SLC6A6: variants seen among roughly 807,000 people sequenced by gnomAD.
SLC6A6 encodes the protein solute carrier family 6 member 6, also known as sodium- and chloride-dependent taurine transporter.
In SLC6A6, 16 loss-of-function variants were observed where a neutral mutation model predicts 68.8. The ratio of observed to expected loss-of-function variants is 0.23; its 90% confidence interval spans 0.16 to 0.35. SLC6A6 has a LOEUF of 0.35. Among genes scored for constraint, SLC6A6 ranks in the 10% least tolerant of loss-of-function variants. The probability of loss-of-function intolerance (pLI) is 1.00; values close to 1 mark genes in which losing one functional copy is unlikely to be tolerated. For synonymous variants in SLC6A6, 312 were observed against 315.4 expected, an observed-to-expected ratio of 0.99 and a Z score of 0.12; for missense variants, 474 against 802.8, an observed-to-expected ratio of 0.59 and a Z score of 4.95.
At chr3:14,462,334 GA>G (rs1700513799) in intron 6 of SLC6A6, among the ~76,000 whole-genome samples, 1 of 152,218 alleles carries the variant, frequency 6.6e-6, no homozygotes, top group Non-Finnish European at 1.5e-5. Context: ...ATGTGCTCAG[GA>G]AAGAGACTGA....
At chr3:14,476,467 T>C (rs1202943779) in intron 10 of SLC6A6, among the ~76,000 whole-genome samples, 1 of 152,186 alleles carries the variant, frequency 6.6e-6, no homozygotes, top group Non-Finnish European at 1.5e-5. Flanking sequence ...CCAACCAGCT[T>C]CTTTTCCTTT....
chr3:14,441,682 C>T (rs1699991761), intron 2 of SLC6A6, among the ~76,000 whole-genome samples: 1 of 152,218 alleles, frequency 6.6e-6, no homozygotes, highest in African/African-American at 2.4e-5. Context: ...TGGGGCCAAG[C>T]CAGCACATCC....
chr3:14,478,422 A>C lies in SLC6A6; in HGVS notation c.1348-44A>C, dbSNP rs753271320. On this transcript the variant is annotated intron_variant, in intron 11 of 14. Transcript: ENST00000622186. ...GCTCTTTGTATATGAAAGAAATTGG[A>C]GACCAGGTAGGAAATCGACCTTCTG... 5.0e-6 allele frequency: 6 copies of C among 1,189,148 alleles called. No homozygotes were observed. The African/African-American group carries it at 9.1e-5, about 18-fold the overall frequency. 73.7% of individuals were successfully genotyped at this position (1,189,148 alleles called of 1,614,324 possible).
chr3:14,445,298 G>A (rs1451686858), intron 3 of SLC6A6, among the ~76,000 whole-genome samples: 1 of 152,082 alleles, frequency 6.6e-6, no homozygotes, highest in African/African-American at 2.4e-5. Context: ...GCGGGCGCCT[G>A]TAGTCCCAGC....
chr3:14,447,017 T>C (rs769797061), intron 4 of SLC6A6, among the ~76,000 whole-genome samples: 1 of 152,238 alleles, frequency 6.6e-6, no homozygotes, highest in South Asian at 2.1e-4. Flanking sequence ...CATCTATTCA[T>C]CCTTCCATTC....
intron 14 of SLC6A6, among the ~76,000 whole-genome samples, chr3:14,483,891 C>T (rs1358320440): frequency 3.9e-5 from 6 of 151,998 alleles, no homozygotes; most frequent in Non-Finnish European, 8.8e-5. Flanking sequence ...CACTGTGTTG[C>T]CCAGACTGCC....
intron 1 of SLC6A6, among the ~76,000 whole-genome samples, chr3:14,412,239 G>A (rs1486436429): frequency 1.3e-5 from 2 of 152,200 alleles, no homozygotes; most frequent in African/African-American, 4.8e-5. Context: ...GAGGTGTCCC[G>A]ATTTGGGGAC....
chr3:14,413,655 AT>A (rs1699301470), intron 1 of SLC6A6, among the ~76,000 whole-genome samples: 1 of 150,884 alleles, frequency 6.6e-6, no homozygotes, highest in African/African-American at 2.4e-5. Context: ...TCTGCTTTGT[AT>A]TTAACTTTGG....
chr3:14,416,424 A>G lies in SLC6A6; in HGVS notation c.-41A>G. 2.5e-6 allele frequency: 1 copy of G among 398,746 alleles called. No individual in the cohort carries two copies. The highest frequency in any genetic ancestry group is 4.4e-6 in the Non-Finnish European group (1 of 226,150). The allele number at this position is 398,746 out of a possible 1,614,324, so 24.7% of individuals were successfully genotyped here. ...CTCTTTGCAATAGATCCAGAACCAGAACCACAGCCCTTCTGAGGAGCTCCC... is the reference window on the plus strand; with the variant it reads ...CTCTTTGCAATAGATCCAGAACCAGGACCACAGCCCTTCTGAGGAGCTCCC... On this transcript the variant is annotated 5_prime_UTR_variant, in exon 2 of 15. Transcript: ENST00000622186.
intron 2 of SLC6A6, among the ~76,000 whole-genome samples, chr3:14,430,986 A>AT (rs1294418400): frequency 6.6e-6 from 1 of 152,126 alleles, no homozygotes; most frequent in Non-Finnish European, 1.5e-5. Context: ...TGAGTCTTTG[A>AT]TTTTGTGTGG....
At chr3:14,416,045 G>C (rs1699356278) in intron 1 of SLC6A6, among the ~76,000 whole-genome samples, 1 of 152,182 alleles carries the variant, frequency 6.6e-6, no homozygotes, top group African/African-American at 2.4e-5. Flanking sequence ...TGCTGACTAA[G>C]TTTTGGGGAC....
intron 2 of SLC6A6, among the ~76,000 whole-genome samples, chr3:14,438,430 C>G (rs1027796792): frequency 1.3e-5 from 2 of 152,064 alleles, no homozygotes; most frequent in Non-Finnish European, 2.9e-5. Context: ...CTGGAATGGG[C>G]AGAAAAGTGA....
At chr3:14,403,105 TG>T in intron 1 of SLC6A6, among the ~76,000 whole-genome samples, 1 of 145,872 alleles carries the variant, frequency 6.9e-6, no homozygotes, top group South Asian at 2.1e-4. Flanking sequence ...TGTGTGTGTG[TG>T]TGTGTGTGTG....
At chr3:14,407,822 T>C (rs1699144302) in intron 1 of SLC6A6, among the ~76,000 whole-genome samples, 1 of 152,208 alleles carries the variant, frequency 6.6e-6, no homozygotes, top group South Asian at 2.1e-4. Context: ...CTGATTTCTG[T>C]CACCATAAAT....
chr3:14,441,945 C>T (rs1170503855), intron 2 of SLC6A6, among the ~76,000 whole-genome samples: 1 of 152,230 alleles, frequency 6.6e-6, no homozygotes, highest in African/African-American at 2.4e-5. Flanking sequence ...CCCCAGGAGC[C>T]TCTATTCTAG....
intron 2 of SLC6A6, among the ~76,000 whole-genome samples, chr3:14,429,037 C>G (rs13081062): frequency 6.6e-6 from 1 of 152,022 alleles, no homozygotes; most frequent in Admixed American, 6.5e-5. Context: ...TCCCTCTGCA[C>G]CCCCCTACCC....
chr3:14,475,712 GA>G (rs1700863110), intron 10 of SLC6A6, among the ~76,000 whole-genome samples: 1 of 152,216 alleles, frequency 6.6e-6, no homozygotes. Flanking sequence ...AAAAAGGAAA[GA>G]ACCTTTGTTT....
intron 2 of SLC6A6, among the ~76,000 whole-genome samples, chr3:14,421,837 C>T (rs1699492129): frequency 6.6e-6 from 1 of 152,156 alleles, no homozygotes; most frequent in South Asian, 2.1e-4. Context: ...TGGTTTTGCA[C>T]ACAGCTGCTG....
At chr3:14,444,720 T>C (rs1273001166) in intron 3 of SLC6A6, 2 of 456,498 alleles carry the variant, frequency 4.4e-6, no homozygotes, top group Non-Finnish European at 8.8e-6. Context: ...TAGAGCCTGG[T>C]TTCTTAACCT....
Sources: gnomAD v4.1 joint callset for allele counts (sites outside exome capture counted in the v4.1 genomes callset) on GRCh38, gnomAD v4.1.1 for gene constraint, MANE v1.5 for transcripts, NCBI Gene and HGNC (gene_info 2026-07-23, HGNC 2026-07-21) for gene names.